Variants in RFX8 observed in about 807,000 individuals in gnomAD.
RFX8 encodes DNA-binding protein RFX8.
Under a neutral mutation model 54.6 loss-of-function variants are expected in RFX8, and 46 were observed. The observed-to-expected ratio is 0.84, with a 90% CI of 0.67 to 1.08. RFX8 has a LOEUF of 1.08. Among genes scored for constraint, RFX8 ranks in the 50% least tolerant of loss-of-function variants. The probability of loss-of-function intolerance (pLI) is 0.00; values close to 1 mark genes in which losing one functional copy is unlikely to be tolerated. For synonymous variants in RFX8, 192 were observed against 209.5 expected, an observed-to-expected ratio of 0.92 and a Z score of 0.72; for missense variants, 536 against 562.3, an observed-to-expected ratio of 0.95 and a Z score of 0.47.
chr2:101,419,595 ACT>A (rs1437514406), intron 4 of RFX8, among the ~76,000 whole-genome samples: 1 of 151,714 alleles, frequency 6.6e-6, no homozygotes, highest in Non-Finnish European at 1.5e-5. Context: ...GCCAATAAAG[ACT>A]CTTGCCTGTT....
intron 9 of RFX8, among the ~76,000 whole-genome samples, chr2:101,408,039 C>T (rs1257479413): frequency 6.6e-6 from 1 of 152,232 alleles, no homozygotes; most frequent in African/African-American, 2.4e-5. Context: ...CCTTCAAAGG[C>T]ACGCAGTTAC....
chr2:101,413,033 G>A lies in RFX8; in HGVS notation c.600C>T (p.Ser200=). Residue 200 remains serine (S), a synonymous_variant, in exon 8 of 12, where the codon AGC becomes AGT. Coordinates refer to ENST00000428343, the MANE Select transcript of RFX8 (RefSeq NM_001145664.2). The part of the protein sequence containing the change: ...RMVLKSKRRV[S]VLKSDLQAII... ...TGGCCTGTAGATCTGACTTCAAAAC[G>A]CTGACACGCCTCTTACTTTTCAATA... 1.3e-6 allele frequency: 2 copies of A among 1,552,036 alleles called. No individual in the cohort carries two copies. The highest frequency in any genetic ancestry group is 1.7e-6 in the Non-Finnish European group (2 of 1,146,996).
chr2:101,420,186 C>T (rs1311267680), intron 4 of RFX8, among the ~76,000 whole-genome samples: 1 of 152,114 alleles, frequency 6.6e-6, no homozygotes, highest in African/African-American at 2.4e-5. Context: ...CTGGGGCATC[C>T]GAGGCCCCTT....
intron 2 of RFX8, among the ~76,000 whole-genome samples, chr2:101,423,606 G>A (rs1179014482): frequency 1.3e-5 from 2 of 152,118 alleles, no homozygotes; most frequent in Non-Finnish European, 2.9e-5. Flanking sequence ...TGACCCTATA[G>A]TTCCAAGGTC....
At chr2:101,398,241 C>CA (rs916791126) in intron 11 of RFX8, among the ~76,000 whole-genome samples, 1 of 152,156 alleles carries the variant, frequency 6.6e-6, no homozygotes, top group Non-Finnish European at 1.5e-5. Flanking sequence ...CTTTGCAAGG[C>CA]AGGGATGGTG....
intron 2 of RFX8, among the ~76,000 whole-genome samples, chr2:101,454,875 T>C (rs1688881797): frequency 6.6e-6 from 1 of 152,236 alleles, no homozygotes; most frequent in South Asian, 2.1e-4. Context: ...ATAGTTTCTT[T>C]TGCTGTGCAG....
At chr2:101,429,565 A>G (rs1359169670) in intron 2 of RFX8, among the ~76,000 whole-genome samples, 1 of 152,132 alleles carries the variant, frequency 6.6e-6, no homozygotes, top group Admixed American at 6.6e-5. Context: ...TTCTTTAATC[A>G]TGGGCATTCG....
intron 11 of RFX8, among the ~76,000 whole-genome samples, chr2:101,400,499 T>C (rs4851432): frequency 0.76 from 116,056 of 151,942 alleles, 44,928 homozygotes; most frequent in Middle Eastern, 0.87. Context: ...GACCCCCACC[T>C]GGCTCCTAGG....
intron 2 of RFX8, among the ~76,000 whole-genome samples, chr2:101,465,966 G>A (rs925442216): frequency 6.6e-6 from 1 of 152,170 alleles, no homozygotes; most frequent in African/African-American, 2.4e-5. Context: ...TCAAATATGT[G>A]AGCAGCCTCC....
chr2:101,453,545 C>T (rs1688813442), intron 2 of RFX8, among the ~76,000 whole-genome samples: 1 of 152,070 alleles, frequency 6.6e-6, no homozygotes, highest in African/African-American at 2.4e-5. Context: ...GTGCATCGCA[C>T]TCTAGCCTAG....
chr2:101,437,012 T>C (rs1264466528), intron 2 of RFX8, among the ~76,000 whole-genome samples: 1 of 152,156 alleles, frequency 6.6e-6, no homozygotes, highest in Non-Finnish European at 1.5e-5. Context: ...CTCCAAGAAA[T>C]GGGCAGGAAA....
At chr2:101,459,755 G>A (rs1291379025) in intron 2 of RFX8, among the ~76,000 whole-genome samples, 2 of 152,134 alleles carry the variant, frequency 1.3e-5, no homozygotes, top group African/African-American at 4.8e-5. Context: ...GGAGAACCAC[G>A]GCTTTCTTCA....
intron 2 of RFX8, among the ~76,000 whole-genome samples, chr2:101,424,897 A>T (rs544325537): frequency 6.6e-6 from 1 of 152,308 alleles, no homozygotes; most frequent in African/African-American, 2.4e-5. Context: ...GGATAGCATT[A>T]GGAGAAATAC....
rs1558896930 is a variant in RFX8 at position 101,469,096 on chromosome 2, A to ATATATATATG, written c.-52-2197_-52-2196insCATATATATA. Among the ~76,000 whole-genome samples, 15 of 113,470 alleles carry ATATATATATG rather than the reference A, an allele frequency of 1.3e-4. 1 individual carries two copies. Among genetic ancestry groups the ATATATATATG allele is most frequent in the African/African-American group, 6.2e-4 (15 of 24,360 alleles). The allele number at this position is 113,470 out of a possible 152,430, so 74.4% of individuals were successfully genotyped here. ...TATATATAAGTGTATATATATAAGT[A>ATATATATATG]TATATATATAAGTGTATATATATAT... On this transcript the variant is annotated intron_variant, in intron 1 of 11. Transcript: ENST00000428343.
At chr2:101,430,996 G>A (rs952302382) in intron 2 of RFX8, among the ~76,000 whole-genome samples, 7 of 152,132 alleles carry the variant, frequency 4.6e-5, no homozygotes, top group African/African-American at 1.4e-4. Flanking sequence ...TTGGAGGAAG[G>A]GCAATTTCTC....
intron 2 of RFX8, among the ~76,000 whole-genome samples, chr2:101,426,795 C>A (rs1200134314): frequency 6.6e-6 from 1 of 152,160 alleles, no homozygotes. Context: ...ATCTGCCTCC[C>A]CTGGGTTACT....
intron 1 of RFX8, among the ~76,000 whole-genome samples, chr2:101,471,129 T>C (rs535969705): frequency 1.0e-3 from 155 of 149,408 alleles, no homozygotes; most frequent in African/African-American, 3.7e-3. Flanking sequence ...AGGTCAGGAG[T>C]TCAAGGCCAG....
chr2:101,472,844 C>G (rs1362453131), intron 1 of RFX8, among the ~76,000 whole-genome samples: 2 of 152,106 alleles, frequency 1.3e-5, no homozygotes, highest in Non-Finnish European at 2.9e-5. Context: ...ATGGTGAAAC[C>G]TTGTCTCTAA....
rs778328288 is a variant in RFX8, at chr2:101,402,575, G to T, written c.1106C>A (p.Ser369Ter). 1 of 1,551,788 alleles carries T rather than the reference G, an allele frequency of 6.4e-7. No homozygotes were observed. Among genetic ancestry groups the T allele is most frequent in the African/African-American group, 1.4e-5 (1 of 73,060 alleles). The change falls in exon 11 of 12, where the codon TCG (serine) becomes TAG (stop). Residue 369 changes from serine (S) to a stop codon, truncating the protein, a stop_gained. Coordinates refer to ENST00000428343, the MANE Select transcript of RFX8 (RefSeq NM_001145664.2). LOFTEE classifies it high-confidence loss of function. Reference sequence around the variant, plus strand: ...CATGCTGGGGCTGGCACACGCCTGCGACAGTGAGGAATTCAGAGAATGGAA... The same window carrying T: ...CATGCTGGGGCTGGCACACGCCTGCTACAGTGAGGAATTCAGAGAATGGAA... ...ALFHSLNSSL[S>*]QACASPSMEP...
Sources: allele counts gnomAD v4.1 joint callset (sites outside exome capture counted in the v4.1 genomes callset), GRCh38; gene constraint gnomAD v4.1.1; transcripts MANE v1.5; gene names NCBI Gene and HGNC (gene_info 2026-07-23, HGNC 2026-07-21).